Variants in IL7R observed in about 807,000 individuals in gnomAD.
The protein encoded by IL7R is interleukin-7 receptor subunit alpha.
In IL7R, 38 loss-of-function variants were observed where a neutral mutation model predicts 47.0. That is an observed-to-expected ratio of 0.81 (90% CI 0.62 to 1.06). IL7R has a LOEUF of 1.06. IL7R is among the 50% of genes least tolerant of loss of function. The probability of loss-of-function intolerance (pLI) is 0.00; values close to 1 mark genes in which losing one functional copy is unlikely to be tolerated. For missense variants in IL7R, 633 were observed against 534.8 expected (o/e 1.18, Z -1.81); for synonymous variants, 221 against 199.8 (o/e 1.11, Z -0.89).
chr5:35,869,075 C>G (rs1760009007), intron 3 of IL7R, among the ~76,000 whole-genome samples: 1 of 152,158 alleles, frequency 6.6e-6, no homozygotes, highest in Non-Finnish European at 1.5e-5. Context: ...GGAGGCATGT[C>G]TCACGGTAGC....
At chr5:35,863,684 C>T (rs984277700) in intron 2 of IL7R, among the ~76,000 whole-genome samples, 1 of 152,116 alleles carries the variant, frequency 6.6e-6, no homozygotes, top group African/African-American at 2.4e-5. Flanking sequence ...CTCTTTAGAG[C>T]TATTTGGCTG....
intron 4 of IL7R, chr5:35,873,171 A>T (rs1760115826): frequency 2.6e-6 from 1 of 383,524 alleles, no homozygotes; most frequent in African/African-American, 2.1e-5. Context: ...AATATGTGAA[A>T]GGATAGAGAG....
At chr5:35,867,857 C>T (rs889475648) in intron 3 of IL7R, among the ~76,000 whole-genome samples, 1 of 151,960 alleles carries the variant, frequency 6.6e-6, no homozygotes, top group African/African-American at 2.4e-5. Context: ...GTTTAGCTAA[C>T]TTATCAAGTT....
intron 3 of IL7R, 136 bp downstream of exon 3, chr5:35,867,599 A>C (rs1456981003): frequency 5.5e-6 from 4 of 721,636 alleles, no homozygotes; most frequent in East Asian, 2.7e-5. Flanking sequence ...CCCTACTGTA[A>C]ATTTTTATAA....
intron 6 of IL7R, among the ~76,000 whole-genome samples, chr5:35,875,146 A>G (rs1391734206): frequency 6.6e-6 from 1 of 152,230 alleles, no homozygotes; most frequent in Non-Finnish European, 1.5e-5. Flanking sequence ...GAAGAAATAA[A>G]AAGACAACAC....
intron 2 of IL7R, among the ~76,000 whole-genome samples, chr5:35,862,419 A>T (rs1489710789): frequency 6.6e-6 from 1 of 152,110 alleles, no homozygotes; most frequent in African/African-American, 2.4e-5. Flanking sequence ...TTGCCCACTC[A>T]AACATACTTA....
chr5:35,871,913 C>A (rs1356348815), intron 4 of IL7R, among the ~76,000 whole-genome samples: 1 of 152,138 alleles, frequency 6.6e-6, no homozygotes, highest in African/African-American at 2.4e-5. Context: ...ATGATGATTT[C>A]TCTTCCTCAA....
At position 35,873,648 on chromosome 5, in the gene IL7R, G is replaced by C. The variant is rs2149903496; in HGVS notation, c.706G>C (p.Gly236Arg). ...FRTPEINNSSGEMDPILLTIS... is the reference protein window; with the variant it reads ...FRTPEINNSSREMDPILLTIS... ...AACTCCAGAGATCAATAATAGCTCA[G>C]GTAAGGAATGGTGGTAGAGTTTTTG... The change falls in exon 5 of 8, where the codon GGG becomes CGG. Residue 236 changes from glycine (G) to arginine (R), a missense_variant and splice_region_variant. Transcript: ENST00000303115. 1 of 1,613,618 alleles carries C rather than the reference G, an allele frequency of 6.2e-7. No individual in the cohort carries two copies. The highest frequency in any genetic ancestry group is 1.3e-5 in the African/African-American group (1 of 75,020).
chr5:35,867,590 C>A, intron 3 of IL7R, 127 bp downstream of exon 3: 1 of 744,224 alleles, frequency 1.3e-6, no homozygotes. Context: ...TAGCTAATTC[C>A]CTACTGTAAA....
At chr5:35,860,130 T>C (rs1416684600) in intron 1 of IL7R, among the ~76,000 whole-genome samples, 3 of 152,224 alleles carry the variant, frequency 2.0e-5, no homozygotes, top group African/African-American at 7.2e-5. Context: ...TATCAGATAC[T>C]GCGTCTATAG....
Position 35,871,047 on chromosome 5 carries a change from C to A in IL7R, c.380-9C>A. ...CTTTAGACAGAATTTATTTCTTTTT[C>A]TTTTCCAGTTAAACCTGAGGCTCCT... On this transcript the variant is annotated splice_polypyrimidine_tract_variant and intron_variant, in intron 3 of 7. Coordinates refer to ENST00000303115, the MANE Select transcript of IL7R (RefSeq NM_002185.5). 1 of 1,611,098 alleles carries A rather than the reference C, an allele frequency of 6.2e-7. No homozygotes were observed. The highest frequency in any genetic ancestry group is 8.5e-7 in the Non-Finnish European group (1 of 1,177,354).
At chr5:35,875,938 T>C (rs1175354253) in intron 7 of IL7R, 45 bp from the exon 8 acceptor site, 1 of 1,595,984 alleles carries the variant, frequency 6.3e-7, no homozygotes, top group Non-Finnish European at 8.5e-7. Context: ...TGATGGTGTG[T>C]CTCTCTGGTG....
At chr5:35,871,394 CT>C in intron 4 of IL7R, among the ~76,000 whole-genome samples, 181 bp downstream of exon 4, 1 of 152,328 alleles carries the variant, frequency 6.6e-6, no homozygotes, top group African/African-American at 2.4e-5. Flanking sequence ...GCATACTCTT[CT>C]AGCTCTGGTT....
Position 35,874,349 on chromosome 5 carries a change from T to C in IL7R, c.707-100T>C. On this transcript the variant is annotated intron_variant, in intron 5 of 7. Coordinates refer to ENST00000303115, the MANE Select transcript of IL7R (RefSeq NM_002185.5). The stretch of plus-strand genomic sequence containing the variant: ...CTGAAAAGCAACTTTCAGGAAATAA[T>C]AAGTGGGCCCACATTACTAAGTAAA... The C allele has an allele frequency of 3.6e-6, 3 of 837,606 alleles. No individual in the cohort carries two copies. The South Asian group carries it at 4.0e-5, about 11-fold the overall frequency. The allele number at this position is 837,606 out of a possible 1,614,324, so 51.9% of individuals were successfully genotyped here. A position where few individuals can be genotyped will look rare whatever the true frequency, so the allele number is the denominator to read the frequency against.
intron 6 of IL7R, 29 bp from the exon 7 acceptor site, chr5:35,875,483 C>A (rs775669367): frequency 6.6e-7 from 1 of 1,515,328 alleles, no homozygotes; most frequent in African/African-American, 1.4e-5. Context: ...CTGCCATTCA[C>A]TTCATCTATC....
intron 2 of IL7R, among the ~76,000 whole-genome samples, chr5:35,862,946 A>C (rs1580853556): frequency 6.6e-6 from 1 of 152,130 alleles, no homozygotes; most frequent in Non-Finnish European, 1.5e-5. Flanking sequence ...TGACAACATT[A>C]CCATCTTCAG....
Position 35,879,213 on chromosome 5 carries a change from T to C in IL7R, c.*2727T>C, listed in dbSNP as rs2149908082. On this transcript the variant is annotated 3_prime_UTR_variant, in exon 8 of 8. Coordinates refer to ENST00000303115, the MANE Select transcript of IL7R (RefSeq NM_002185.5). The stretch of plus-strand genomic sequence containing the variant: ...ATGACTGGGTCTAGGGCACCCAGGC[T>C]GATTCAGCTGATTTCCTACCAGCCT... 4.3e-6 allele frequency: 1 copy of C among 233,096 alleles called. No homozygotes were observed. The highest frequency in any genetic ancestry group is 1.8e-4 in the South Asian group (1 of 5,524). The allele number at this position is 233,096 out of a possible 1,614,324, so 14.4% of individuals were successfully genotyped here.
intron 4 of IL7R, among the ~76,000 whole-genome samples, chr5:35,872,433 G>A (rs925971496): frequency 6.6e-5 from 10 of 152,036 alleles, no homozygotes; most frequent in Admixed American, 5.9e-4. Context: ...CCTCACCTCA[G>A]GTGATCTGCC....
At chr5:35,869,998 T>A (rs939697749) in intron 3 of IL7R, among the ~76,000 whole-genome samples, 3 of 152,146 alleles carry the variant, frequency 2.0e-5, no homozygotes, top group Non-Finnish European at 4.4e-5. Flanking sequence ...TGCATTTTAT[T>A]GGGCCGGCAA....
Sources: gnomAD v4.1 joint callset for allele counts (sites outside exome capture counted in the v4.1 genomes callset) on GRCh38, gnomAD v4.1.1 for gene constraint, MANE v1.5 for transcripts, NCBI Gene and HGNC (gene_info 2026-07-23, HGNC 2026-07-21) for gene names.